Variants in OSCP1 observed in about 807,000 individuals in gnomAD.
The protein encoded by OSCP1 is protein OSCP1.
A neutral mutation model predicts 45.1 loss-of-function variants in OSCP1; 35 were observed. The observed-to-expected ratio is 0.78, with a 90% confidence interval of 0.59 to 1.03. OSCP1 has a LOEUF of 1.03. Ranked by LOEUF, OSCP1 falls within the 50% of genes least tolerant of loss-of-function variation. The pLI is 0.00. For missense variants in OSCP1, 400 were observed against 470.7 expected, an observed-to-expected ratio of 0.85 and a Z score of 1.39; for synonymous variants, 179 against 180.1, an observed-to-expected ratio of 0.99 and a Z score of 0.05.
chr1:36,422,873 T>G lies in OSCP1; in HGVS notation c.644A>C (p.Glu215Ala), dbSNP rs754996087. Residue 215 changes from glutamate to alanine, a missense_variant, in exon 6 of 10, where the codon GAA (glutamate) becomes GCA (alanine). Physicochemically the swap from Glu to Ala is moderately radical, Grantham distance 107. Transcript: ENST00000235532. ...ATGCTTGAATTCTATCCTCTTCACT[T>G]CTTCACCTTTGTTGTTGAACATTCT... ...LIRMFNNKGE[E>A]VKRIEFKHGG... The G allele has an allele frequency of 3.1e-6, 5 of 1,606,938 alleles. No homozygotes were observed. In the South Asian group the frequency reaches 5.6e-5, roughly 18 times the overall value.
intron 1 of OSCP1, among the ~76,000 whole-genome samples, chr1:36,443,163 C>T (rs1649303659): frequency 6.6e-6 from 1 of 152,042 alleles, no homozygotes; most frequent in South Asian, 2.1e-4. Flanking sequence ...AGGGTTTCAC[C>T]ATGTTGGCCA....
chr1:36,418,148 A>T lies in OSCP1; in HGVS notation c.1131T>A (p.Asp377Glu). ...CGCCTGGTCAGAACAGCTATAACTC[A>T]TCCATCATGGCGAGCAAATCGTCCC... Reference protein sequence around the residue: ...SKGDDLLAMMDEL With the variant: ...SKGDDLLAMMEEL Residue 377 changes from aspartate to glutamate, a missense_variant, in exon 10 of 10, where the codon GAT becomes GAA. Asp to Glu is a conservative substitution (Grantham distance 45, BLOSUM62 2). Coordinates refer to ENST00000235532, the MANE Select transcript of OSCP1 (RefSeq NM_145047.5). 6.2e-7 allele frequency: 1 copy of T among 1,613,754 alleles called. No homozygotes were observed. Among genetic ancestry groups the T allele is most frequent in the Non-Finnish European group, 8.5e-7 (1 of 1,179,744 alleles).
At chr1:36,431,754 C>T in intron 4 of OSCP1, 48 bp downstream of exon 4, 1 of 1,585,938 alleles carries the variant, frequency 6.3e-7, no homozygotes, top group African/African-American at 1.3e-5. Flanking sequence ...GGGTTGTTTC[C>T]CTGGTACAGC....
At chr1:36,432,028 C>A (rs1170353577) in intron 3 of OSCP1, 146 bp from the exon 4 acceptor site, 4 of 677,040 alleles carry the variant, frequency 5.9e-6, no homozygotes, top group African/African-American at 1.8e-5. Flanking sequence ...GCGGGGAGAC[C>A]AGCAGTGCTG....
chr1:36,432,535 G>T lies in OSCP1; in HGVS notation c.322C>A (p.Pro108Thr). 2 of 1,614,144 alleles carry T rather than the reference G, an allele frequency of 1.2e-6. No individual in the cohort carries two copies. The highest frequency in any genetic ancestry group is 1.1e-5 in the South Asian group (1 of 91,076). ...FKYQVLLCPR[P>T]KDVLLVTFNH... is the part of the protein sequence containing the mutation. ...AAAGTGACCAGCAGCACATCCTTGGGTCGGGGACACAGCAATACTTGATAT... is the reference window on the plus strand; with the variant it reads ...AAAGTGACCAGCAGCACATCCTTGGTTCGGGGACACAGCAATACTTGATAT... The change falls in exon 3 of 10, where the codon CCC becomes ACC. Residue 108 changes from proline to threonine, a missense_variant. Coordinates refer to ENST00000235532, the MANE Select transcript of OSCP1 (RefSeq NM_145047.5).
chr1:36,436,561 G>A (rs894470668), intron 2 of OSCP1, among the ~76,000 whole-genome samples: 1 of 152,142 alleles, frequency 6.6e-6, no homozygotes. Context: ...TTTTTGTAGA[G>A]ATTTGGTCTT....
chr1:36,418,718 A>G, intron 9 of OSCP1: 1 of 385,436 alleles, frequency 2.6e-6, no homozygotes, highest in East Asian at 4.7e-5. Flanking sequence ...GGAGTTTAAG[A>G]CCAGCCTGGC....
At chr1:36,450,195 G>T (rs1649813699) in intron 1 of OSCP1, 63 bp downstream of exon 1, 1 of 1,354,994 alleles carries the variant, frequency 7.4e-7, no homozygotes, top group East Asian at 2.3e-5. Context: ...GGGTGTTAGG[G>T]CGATGATGAG....
intron 1 of OSCP1, among the ~76,000 whole-genome samples, chr1:36,441,749 T>TAAAA (rs1649181014): frequency 7.8e-5 from 2 of 25,806 alleles, no homozygotes; most frequent in African/African-American, 5.1e-4. Flanking sequence ...AGACTCCAGC[T>TAAAA]CAAAAAAAAA....
At chr1:36,425,812 G>C (rs983210513) in intron 4 of OSCP1, among the ~76,000 whole-genome samples, 1 of 151,240 alleles carries the variant, frequency 6.6e-6, no homozygotes, top group Admixed American at 6.6e-5. Context: ...ATTATTACAA[G>C]TCTATTTGGA....
intron 4 of OSCP1, among the ~76,000 whole-genome samples, chr1:36,423,797 C>A (rs2124777275): frequency 6.6e-6 from 1 of 152,146 alleles, no homozygotes; most frequent in African/African-American, 2.4e-5. Context: ...TTGCTTGAAC[C>A]TGGAAGGCAG....
intron 7 of OSCP1, chr1:36,421,924 G>C (rs1302473493): frequency 1.0e-5 from 6 of 578,624 alleles, no homozygotes; most frequent in Non-Finnish European, 1.5e-5. Context: ...TCTTAATTAT[G>C]GTGGCCGAGC....
rs779957971 is a variant in OSCP1, at chr1:36,447,863, A to C, written c.112+2395T>G. The stretch of plus-strand genomic sequence containing the variant: ...CATCAGGCTCCATATAGTATCTCAC[A>C]TAGTGTTTGACACTCAGTCAAAATC... On this transcript the variant is annotated intron_variant, in intron 1 of 9. Transcript: ENST00000235532. The surrounding 1 kb of genome is among the most constrained non-coding windows in gnomAD (Gnocchi z 4.1). 2.2e-6 allele frequency: 1 copy of C among 452,872 alleles called. No individual in the cohort carries two copies. Among genetic ancestry groups the C allele is most frequent in the Non-Finnish European group, 4.5e-6 (1 of 224,408 alleles). The allele number at this position is 452,872 out of a possible 1,614,324, so 28.1% of individuals were successfully genotyped here.
rs1363133931 is a variant in OSCP1 at position 36,450,400 on chromosome 1, G to C, written c.-31C>G. 9 of 1,586,218 alleles carry C rather than the reference G, an allele frequency of 5.7e-6. No individual in the cohort carries two copies. In the South Asian group the frequency reaches 7.7e-5, roughly 14 times the overall value. On this transcript the variant is annotated 5_prime_UTR_variant, in exon 1 of 10. Transcript: ENST00000235532. Reference sequence around the variant, plus strand: ...TGGAAACGAGCTGGACTGGTGAAGAGCCCCGGGGTTCGGTAGCCAGTGGCC... The same window carrying C: ...TGGAAACGAGCTGGACTGGTGAAGACCCCCGGGGTTCGGTAGCCAGTGGCC...
At position 36,428,289 on chromosome 1, in the gene OSCP1, A is replaced by C. The variant is rs1033326885; in HGVS notation, c.516+3513T>G. 6 of 1,605,000 alleles carry C rather than the reference A, an allele frequency of 3.7e-6. No individual in the cohort carries two copies. The African/African-American group carries it at 8.0e-5, about 21-fold the overall frequency. On this transcript the variant is annotated intron_variant, in intron 4 of 9. Coordinates refer to ENST00000235532, the MANE Select transcript of OSCP1 (RefSeq NM_145047.5). ...GAAGGGAAATACAATAAGGCACTAAATACATTGCATTTCTTCCCCTTTTTA... is the reference window on the plus strand; with the variant it reads ...GAAGGGAAATACAATAAGGCACTAACTACATTGCATTTCTTCCCCTTTTTA...
At chr1:36,428,048 G>T (rs897989004) in intron 4 of OSCP1, among the ~76,000 whole-genome samples, 1 of 151,972 alleles carries the variant, frequency 6.6e-6, no homozygotes, top group Non-Finnish European at 1.5e-5. Flanking sequence ...AAATTAGCTG[G>T]ATGTGGCGGT....
rs1295990848 is a variant in OSCP1, at chr1:36,444,060, A to T, written c.113-5150T>A. ...TACATGAAGCATACAAAAAGAAAACACCAGTTCATGAAGCAAGAACATTAT... is the reference window on the plus strand; with the variant it reads ...TACATGAAGCATACAAAAAGAAAACTCCAGTTCATGAAGCAAGAACATTAT... On this transcript the variant is annotated intron_variant, in intron 1 of 9. Coordinates refer to ENST00000235532, the MANE Select transcript of OSCP1 (RefSeq NM_145047.5). 3 of 1,607,318 alleles carry T rather than the reference A, an allele frequency of 1.9e-6. No homozygotes were observed. In the African/African-American group the frequency reaches 4.0e-5, roughly 21 times the overall value.
rs758591420 is a variant in OSCP1 at position 36,450,318 on chromosome 1, G to A, written c.52C>T (p.Leu18Phe). The change falls in exon 1 of 10, where the codon CTT becomes TTT. Residue 18 changes from leucine (L) to phenylalanine (F), a missense_variant. Coordinates refer to ENST00000235532, the MANE Select transcript of OSCP1 (RefSeq NM_145047.5). ...LLFLNLGGEM[L>F]YILDQRLRAQ... is the part of the protein sequence containing the mutation. Reference sequence around the variant, plus strand: ...CGCAGCCGTTGGTCGAGGATGTAAAGCATCTCCCCGCCCAAGTTCAAGAAG... The same window carrying A: ...CGCAGCCGTTGGTCGAGGATGTAAAACATCTCCCCGCCCAAGTTCAAGAAG... The A allele has an allele frequency of 7.4e-6, 12 of 1,613,812 alleles. No homozygotes were observed. The highest frequency in any genetic ancestry group is 1.1e-5 in the South Asian group (1 of 91,084).
At chr1:36,429,347 C>G (rs1648191541) in intron 4 of OSCP1, among the ~76,000 whole-genome samples, 1 of 151,234 alleles carries the variant, frequency 6.6e-6, no homozygotes, top group Non-Finnish European at 1.5e-5. Context: ...GATTGTGCCA[C>G]CATACTCCAG....
Sources: allele counts gnomAD v4.1 joint callset (sites outside exome capture counted in the v4.1 genomes callset), GRCh38; gene constraint gnomAD v4.1.1; non-coding constraint Gnocchi (gnomAD v3.1); transcripts MANE v1.5; gene names NCBI Gene and HGNC (gene_info 2026-07-23, HGNC 2026-07-21).